Variants in L3MBTL4 observed in about 807,000 individuals in gnomAD.
L3MBTL4 encodes lethal(3)malignant brain tumor-like protein 4.
L3MBTL4 carries 70 observed loss-of-function variants against 84.5 expected under a neutral mutation model. The observed-to-expected ratio is 0.83, with a 90% CI of 0.68 to 1.01. The LOEUF (loss-of-function observed/expected upper bound fraction) is 1.01, where lower values mean the gene tolerates loss of function less well. Ranked by LOEUF, L3MBTL4 falls within the 50% of genes least tolerant of loss-of-function variation. L3MBTL4 has a pLI of 0.00. For missense variants in L3MBTL4, 715 were observed against 754.8 expected (o/e 0.95, Z 0.62); for synonymous variants, 274 against 259.8 (o/e 1.05, Z -0.52).
intron 10 of L3MBTL4, among the ~76,000 whole-genome samples, chr18:6,230,557 C>G (rs2046957126): frequency 1.3e-5 from 2 of 152,096 alleles, no homozygotes; most frequent in Non-Finnish European, 2.9e-5. Context: ...ATGCATGTGT[C>G]TTTATGGAAG....
At chr18:6,126,419 C>T (rs911555195) in intron 14 of L3MBTL4, among the ~76,000 whole-genome samples, 5 of 152,164 alleles carry the variant, frequency 3.3e-5, no homozygotes, top group African/African-American at 9.7e-5. Flanking sequence ...TCTCCTTAAT[C>T]AATGTACTGC....
At chr18:6,163,667 C>G (rs1249882743) in intron 13 of L3MBTL4, among the ~76,000 whole-genome samples, 1 of 152,110 alleles carries the variant, frequency 6.6e-6, no homozygotes, top group African/African-American at 2.4e-5. Context: ...ACACATGGAA[C>G]TCAAACTTCT....
At position 6,042,809 on chromosome 18, in the gene L3MBTL4, TG is replaced by T. The variant is rs1403664714; in HGVS notation, c.1444+38071del. ...TGCAGGAGTTCAACTGCCACCTCTGTGCACACTATCTGCAAATGTTAATCTC... is the reference window on the plus strand; with the variant it reads ...TGCAGGAGTTCAACTGCCACCTCTGTCACACTATCTGCAAATGTTAATCTC... On this transcript the variant is annotated intron_variant, in intron 16 of 18. Transcript: ENST00000317931. Among the ~76,000 whole-genome samples, 4 of 152,332 alleles carry T rather than the reference TG, an allele frequency of 2.6e-5. No homozygotes were observed. In the East Asian group the frequency reaches 7.7e-4, roughly 29 times the overall value.
At chr18:5,988,478 T>C (rs2053557751) in intron 16 of L3MBTL4, among the ~76,000 whole-genome samples, 1 of 152,166 alleles carries the variant, frequency 6.6e-6, no homozygotes. Flanking sequence ...TTTAAATCAC[T>C]AAAAAAATCT....
intron 15 of L3MBTL4, among the ~76,000 whole-genome samples, chr18:6,084,885 G>A (rs1254592477): frequency 6.6e-6 from 1 of 152,220 alleles, no homozygotes; most frequent in Non-Finnish European, 1.5e-5. Context: ...GGCCACTGCA[G>A]GTGGAGGGCG....
intron 1 of L3MBTL4, among the ~76,000 whole-genome samples, chr18:6,368,645 G>T (rs1599801111): frequency 6.6e-6 from 1 of 152,270 alleles, no homozygotes; most frequent in South Asian, 2.1e-4. Flanking sequence ...TATACCAAGT[G>T]GTCCCTTGAC....
chr18:6,358,200 G>A (rs1449701191), intron 1 of L3MBTL4, among the ~76,000 whole-genome samples: 1 of 152,144 alleles, frequency 6.6e-6, no homozygotes, highest in Admixed American at 6.5e-5. Flanking sequence ...GACCTTTTCC[G>A]GGTCTAACTT....
intron 16 of L3MBTL4, chr18:6,046,777 C>T (rs2056640351): frequency 1.3e-6 from 1 of 771,618 alleles, no homozygotes; most frequent in Non-Finnish European, 2.4e-6. Flanking sequence ...AAGTTTATGA[C>T]ATAAACACTT....
At chr18:6,193,546 G>A (rs1196053834) in intron 12 of L3MBTL4, among the ~76,000 whole-genome samples, 1 of 152,224 alleles carries the variant, frequency 6.6e-6, no homozygotes, top group Non-Finnish European at 1.5e-5. Flanking sequence ...CAGAAAAGAG[G>A]GTCCAGAGGC....
chr18:6,255,400 T>C (rs1396380069), intron 5 of L3MBTL4, among the ~76,000 whole-genome samples: 1 of 152,244 alleles, frequency 6.6e-6, no homozygotes, highest in Non-Finnish European at 1.5e-5. Flanking sequence ...ACCCTGGTAC[T>C]TTCAATCACC....
chr18:6,147,161 G>C (rs1027173775), intron 13 of L3MBTL4, among the ~76,000 whole-genome samples: 1 of 152,106 alleles, frequency 6.6e-6, no homozygotes, highest in Non-Finnish European at 1.5e-5. Context: ...GTTTAGGTTA[G>C]TATCTTGGTT....
intron 4 of L3MBTL4, among the ~76,000 whole-genome samples, chr18:6,286,053 A>G (rs943279529): frequency 2.0e-5 from 3 of 151,558 alleles, no homozygotes; most frequent in Non-Finnish European, 4.4e-5. Flanking sequence ...GCTGGTCTCA[A>G]TTTCTTGACC....
chr18:6,227,892 C>G (rs1599238870), intron 10 of L3MBTL4, among the ~76,000 whole-genome samples: 1 of 152,148 alleles, frequency 6.6e-6, no homozygotes. Context: ...GTCTTAAACT[C>G]CTGGCCTCAA....
intron 3 of L3MBTL4, among the ~76,000 whole-genome samples, chr18:6,311,299 ATGAT>A (rs1373992567): frequency 5.3e-5 from 8 of 151,998 alleles, no homozygotes; most frequent in African/African-American, 1.7e-4. Context: ...TTACTTGAGA[ATGAT>A]TGATTACCTC....
At chr18:6,160,943 A>C (rs1198645688) in intron 13 of L3MBTL4, among the ~76,000 whole-genome samples, 3 of 152,148 alleles carry the variant, frequency 2.0e-5, no homozygotes. Context: ...ATTTAAAGAA[A>C]ATTTACATCA....
intron 14 of L3MBTL4, among the ~76,000 whole-genome samples, chr18:6,117,213 G>A (rs1195913596): frequency 6.6e-6 from 1 of 152,196 alleles, no homozygotes; most frequent in Non-Finnish European, 1.5e-5. Flanking sequence ...ACAGGTGACT[G>A]ACAAAGGTGG....
At chr18:6,135,866 C>A (rs1030112880) in intron 14 of L3MBTL4, among the ~76,000 whole-genome samples, 2 of 152,196 alleles carry the variant, frequency 1.3e-5, no homozygotes, top group Non-Finnish European at 2.9e-5. Context: ...TCAGCAGTGT[C>A]CCACTCTAAT....
chr18:6,045,855 C>T (rs530355462), intron 16 of L3MBTL4, among the ~76,000 whole-genome samples: 1 of 152,192 alleles, frequency 6.6e-6, no homozygotes, highest in East Asian at 1.9e-4. Context: ...CAGCTAACAA[C>T]TTCGCAGTAG....
chr18:5,998,851 C>A (rs956579592), intron 16 of L3MBTL4, among the ~76,000 whole-genome samples: 1 of 152,244 alleles, frequency 6.6e-6, no homozygotes, highest in Non-Finnish European at 1.5e-5. Context: ...CACTTGCAGT[C>A]ACCTGGGATA....
Sources: allele counts gnomAD v4.1 joint callset (sites outside exome capture counted in the v4.1 genomes callset), GRCh38; gene constraint gnomAD v4.1.1; transcripts MANE v1.5; gene names NCBI Gene and HGNC (gene_info 2026-07-23, HGNC 2026-07-21).